PCDH15: variants seen among roughly 807,000 people sequenced by gnomAD.
PCDH15 encodes the protein protocadherin related 15, also known as protocadherin-15.
PCDH15 carries 129 observed loss-of-function variants against 178.5 expected under a neutral mutation model. The observed-to-expected ratio is 0.72, with a 90% CI of 0.63 to 0.84. The LOEUF (loss-of-function observed/expected upper bound fraction) is 0.84, where lower values mean the gene tolerates loss of function less well. PCDH15 is among the 40% of genes least tolerant of loss of function. PCDH15 has a pLI of 0.00. For synonymous variants in PCDH15, 800 were observed against 732.0 expected, an observed-to-expected ratio of 1.09 and a Z score of -1.50; for missense variants, 2,230 against 2,099.9, an observed-to-expected ratio of 1.06 and a Z score of -1.21.
At chr10:54,146,313 A>G (rs1315922356) in intron 14 of PCDH15, among the ~76,000 whole-genome samples, 2 of 151,974 alleles carry the variant, frequency 1.3e-5, no homozygotes, top group Non-Finnish European at 2.9e-5. Context: ...ATTTTATGAA[A>G]AGAATGGGAA....
chr10:54,359,631 C>T (rs1316295515), intron 5 of PCDH15, among the ~76,000 whole-genome samples: 1 of 151,814 alleles, frequency 6.6e-6, no homozygotes, highest in Non-Finnish European at 1.5e-5. Context: ...ATATAATGCA[C>T]ATTGAACCAA....
At chr10:54,553,761 T>C (rs2086865609) in intron 2 of PCDH15, among the ~76,000 whole-genome samples, 1 of 152,082 alleles carries the variant, frequency 6.6e-6, no homozygotes, top group Admixed American at 6.6e-5. Context: ...AAATCTCCCA[T>C]TAAAAAAGTT....
At chr10:55,484,182 T>A (rs182684838) in intron 2 of PCDH15, among the ~76,000 whole-genome samples, 1 of 151,730 alleles carries the variant, frequency 6.6e-6, no homozygotes, top group Non-Finnish European at 1.5e-5. Context: ...GAAAAACAAC[T>A]AATGGGTACA....
At chr10:55,300,987 T>G (rs1165279109) in intron 1 of PCDH15, among the ~76,000 whole-genome samples, 2 of 152,204 alleles carry the variant, frequency 1.3e-5, no homozygotes, top group East Asian at 3.9e-4. Flanking sequence ...TCATAAGTTC[T>G]TAAAACATGT....
chr10:53,869,428 G>T (rs2079675651), intron 26 of PCDH15, among the ~76,000 whole-genome samples: 1 of 152,098 alleles, frequency 6.6e-6, no homozygotes, highest in Admixed American at 6.5e-5. Flanking sequence ...CTTCCACATA[G>T]AATGAGCAAA....
intron 2 of PCDH15, among the ~76,000 whole-genome samples, chr10:55,473,597 T>C (rs959110524): frequency 2.6e-5 from 4 of 152,276 alleles, no homozygotes; most frequent in Admixed American, 1.3e-4. Context: ...AGTATTCACA[T>C]AGAACAGCTT....
intron 2 of PCDH15, among the ~76,000 whole-genome samples, chr10:55,622,842 T>G (rs1252985195): frequency 6.6e-6 from 1 of 152,134 alleles, no homozygotes; most frequent in Non-Finnish European, 1.5e-5. Flanking sequence ...AAATACGGGC[T>G]GGACCGAGGC....
At chr10:54,521,207 CATA>C (rs569863436) in intron 3 of PCDH15, among the ~76,000 whole-genome samples, 92 of 151,932 alleles carry the variant, frequency 6.1e-4, no homozygotes, top group Non-Finnish European at 1.0e-3. Flanking sequence ...AAACTTAAAG[CATA>C]ATAATAATAA....
At chr10:55,140,007 G>A (rs1564830967) in intron 2 of PCDH15, among the ~76,000 whole-genome samples, 1 of 151,814 alleles carries the variant, frequency 6.6e-6, no homozygotes, top group African/African-American at 2.4e-5. Flanking sequence ...TTACACCTAA[G>A]AAAAGAATTT....
At chr10:53,925,404 C>G (rs2084438674) in intron 25 of PCDH15, among the ~76,000 whole-genome samples, 1 of 152,208 alleles carries the variant, frequency 6.6e-6, no homozygotes, top group African/African-American at 2.4e-5. Context: ...AAGGAAGAAA[C>G]TCCGAACACG....
chr10:54,170,735 T>C (rs550341532), intron 13 of PCDH15, among the ~76,000 whole-genome samples: 2 of 152,190 alleles, frequency 1.3e-5, no homozygotes, highest in South Asian at 4.1e-4. Flanking sequence ...TCACGCTTGA[T>C]TTATTGATGG....
intron 26 of PCDH15, among the ~76,000 whole-genome samples, chr10:53,898,289 T>C (rs530844992): frequency 6.6e-6 from 1 of 152,260 alleles, no homozygotes. Context: ...TTTCTAATTT[T>C]TAGTTGTTGT....
Position 54,008,505 on chromosome 10 carries a change from A to T in PCDH15, c.2751+11687T>A, listed in dbSNP as rs577751731. Among the ~76,000 whole-genome samples, 13 of 152,290 alleles carry T rather than the reference A, an allele frequency of 8.5e-5. No individual in the cohort carries two copies. The South Asian group carries it at 2.7e-3, about 32-fold the overall frequency. On this transcript the variant is annotated intron_variant, in intron 20 of 37. Coordinates refer to ENST00000644397, the MANE Select transcript of PCDH15 (RefSeq NM_001384140.1). ...GGCATATCTTGCTTTTTGAGGTGAT[A>T]ATTTTGGACATAATTTAACTCCCCT...
intron 3 of PCDH15, among the ~76,000 whole-genome samples, chr10:54,443,915 T>C (rs2075990921): frequency 6.6e-6 from 1 of 151,734 alleles, no homozygotes; most frequent in Admixed American, 6.6e-5. Context: ...TGTCAGCCTC[T>C]CTAAATCCAA....
intron 16 of PCDH15, among the ~76,000 whole-genome samples, chr10:54,080,996 C>T (rs1445377217): frequency 6.6e-6 from 1 of 152,124 alleles, no homozygotes; most frequent in African/African-American, 2.4e-5. Flanking sequence ...TTACCATTTT[C>T]ATTTTGTTTC....
At chr10:54,372,311 T>A (rs1947798037) in intron 4 of PCDH15, among the ~76,000 whole-genome samples, 1 of 151,818 alleles carries the variant, frequency 6.6e-6, no homozygotes, top group Non-Finnish European at 1.5e-5. Flanking sequence ...CACTGTGTAC[T>A]GAGGCCTCAC....
At chr10:54,987,555 A>C (rs565678325) in intron 2 of PCDH15, among the ~76,000 whole-genome samples, 1 of 152,246 alleles carries the variant, frequency 6.6e-6, no homozygotes, top group South Asian at 2.1e-4. Flanking sequence ...AGTGATTGCT[A>C]TTCTGACTGG....
At chr10:54,316,588 TA>T (rs2061294196) in intron 8 of PCDH15, among the ~76,000 whole-genome samples, 3 of 151,236 alleles carry the variant, frequency 2.0e-5, no homozygotes, top group Non-Finnish European at 4.4e-5. Context: ...ATACACCTTT[TA>T]GGGGAGAAAT....
rs141162740 is a variant in PCDH15, at chr10:55,202,551, T to C, written c.-155-35900A>G. On this transcript the variant is annotated intron_variant, in intron 1 of 5. Transcript: ENST00000458638. ...TCTATTCATTAATTGCCTCCACCTATTGAAGAAAGGAGGTAGGGGGAGAAG... is the reference window on the plus strand; with the variant it reads ...TCTATTCATTAATTGCCTCCACCTACTGAAGAAAGGAGGTAGGGGGAGAAG... 4.6e-3 allele frequency among the ~76,000 whole-genome samples: 694 copies of C among 152,150 alleles called. 7 individuals are homozygous for C. The highest frequency in any genetic ancestry group is 0.014 in the African/African-American group (588 of 41,466).
Sources: gnomAD v4.1 joint callset for allele counts (sites outside exome capture counted in the v4.1 genomes callset) on GRCh38, gnomAD v4.1.1 for gene constraint, MANE v1.5 for transcripts, NCBI Gene and HGNC (gene_info 2026-07-23, HGNC 2026-07-21) for gene names.